Variants in VSIR observed in about 807,000 individuals in gnomAD.
The protein encoded by VSIR is V-type immunoglobulin domain-containing suppressor of T-cell activation.
In VSIR, 10 loss-of-function variants were observed where a neutral mutation model predicts 31.0. The observed-to-expected ratio is 0.32, with a 90% CI of 0.20 to 0.55. VSIR has a LOEUF of 0.55. Ranked by LOEUF, VSIR falls within the 20% of genes least tolerant of loss-of-function variation. VSIR has a pLI of 0.93. For missense variants in VSIR, 356 were observed against 416.2 expected (o/e 0.86, Z 1.26); for synonymous variants, 179 against 180.1 (o/e 0.99, Z 0.05).
At position 71,773,391 on chromosome 10, in the gene VSIR, G is replaced by T; in HGVS notation, c.49C>A (p.Leu17Met). ...LEAGSWRWGS[L>M]LFALFLAASL... ...GCAGCCAGGAAGAGAGCGAAGAGCAGGGATCCCCAGCGCCAGCTGCCGGCC... is the reference window on the plus strand; with the variant it reads ...GCAGCCAGGAAGAGAGCGAAGAGCATGGATCCCCAGCGCCAGCTGCCGGCC... Residue 17 changes from leucine to methionine, a missense_variant, in exon 1 of 7, where the codon CTG becomes ATG. Transcript: ENST00000394957. 1 of 1,610,264 alleles carries T rather than the reference G, an allele frequency of 6.2e-7. No homozygotes were observed.
chr10:71,756,614 G>C (rs1358810607), intron 3 of VSIR, among the ~76,000 whole-genome samples: 1 of 152,208 alleles, frequency 6.6e-6, no homozygotes, highest in Non-Finnish European at 1.5e-5. Context: ...TGTCCCAACA[G>C]CATGAGGAGG....
rs528021424 is a variant in VSIR, at chr10:71,750,655, G to C, written c.*598C>G. ...TGGAATGCAGGCAGTGGAAGCCCCAGATTGACTTAACCTGTTGACAGATCT... is the reference window on the plus strand; with the variant it reads ...TGGAATGCAGGCAGTGGAAGCCCCACATTGACTTAACCTGTTGACAGATCT... On this transcript the variant is annotated 3_prime_UTR_variant, in exon 7 of 7. Coordinates refer to ENST00000394957, the MANE Select transcript of VSIR (RefSeq NM_022153.2). 1 of 152,592 alleles carries C rather than the reference G, an allele frequency of 6.6e-6. No homozygotes were observed. The highest frequency in any genetic ancestry group is 2.0e-4 in the South Asian group (1 of 4,882). 9.5% of individuals were successfully genotyped at this position (152,592 alleles called of 1,614,324 possible).
Position 71,749,876 on chromosome 10 carries a change from C to T in VSIR, c.*1377G>A, listed in dbSNP as rs1427876900. 1 of 152,284 alleles carries T rather than the reference C, an allele frequency of 6.6e-6. No homozygotes were observed. The highest frequency in any genetic ancestry group is 2.4e-5 in the African/African-American group (1 of 41,394). 9.4% of individuals were successfully genotyped at this position (152,284 alleles called of 1,614,324 possible). ...AGCCCCAAATCCTGGCTTTCAGCAC[C>T]CAGGCCCAGCTCAGCAGAGCCAGTG... On this transcript the variant is annotated 3_prime_UTR_variant, in exon 7 of 7. Coordinates refer to ENST00000394957, the MANE Select transcript of VSIR (RefSeq NM_022153.2).
At chr10:71,752,639 G>A (rs561013277) in intron 5 of VSIR, among the ~76,000 whole-genome samples, 94 of 152,186 alleles carry the variant, frequency 6.2e-4, no homozygotes, top group Non-Finnish European at 3.1e-4. Context: ...CAGCTCAAGG[G>A]CTGTGGCTGG....
intron 1 of VSIR, among the ~76,000 whole-genome samples, chr10:71,771,220 C>A (rs10762476): frequency 0.13 from 20,062 of 152,160 alleles, 1,616 homozygotes; most frequent in East Asian, 0.28. Context: ...CTGCTGGGTC[C>A]TGGTCCCTAA....
chr10:71,754,942 T>C (rs1048878605), intron 4 of VSIR: 2 of 393,532 alleles, frequency 5.1e-6, no homozygotes, highest in African/African-American at 4.1e-5. Context: ...TAAGACCCCT[T>C]CCACTTCTGA....
intron 1 of VSIR, among the ~76,000 whole-genome samples, chr10:71,768,409 G>A (rs1398571098): frequency 1.3e-5 from 2 of 152,100 alleles, no homozygotes; most frequent in African/African-American, 4.8e-5. Context: ...GACCTCATGT[G>A]ATCCACCCGC....
At chr10:71,755,325 C>T (rs180679476) in intron 4 of VSIR, 34 bp downstream of exon 4, 69 of 1,575,198 alleles carry the variant, frequency 4.4e-5, no homozygotes, top group African/African-American at 3.6e-4. Context: ...TCACTCGCAC[C>T]GTCCACCCAC....
rs896651315 is a variant in VSIR at position 71,761,050 on chromosome 10, C to T, written c.512-126G>A. On this transcript the variant is annotated intron_variant, in intron 2 of 6. Transcript: ENST00000394957. ...CTAGTGCCTACTCGGCAGTGTTGGC[C>T]CAGTGGCAGCCTGCACACGTGTGCA... 4.9e-5 allele frequency: 44 copies of T among 894,058 alleles called. No homozygotes were observed. The Middle Eastern group carries it at 9.6e-4, about 20-fold the overall frequency. The allele number at this position is 894,058 out of a possible 1,614,324, so 55.4% of individuals were successfully genotyped here.
rs777848524 is a variant in VSIR at position 71,761,775 on chromosome 10, C to T, written c.334G>A (p.Asp112Asn). The T allele has an allele frequency of 4.3e-6, 7 of 1,614,012 alleles. No homozygotes were observed. The South Asian group carries it at 4.4e-5, about 10-fold the overall frequency. The change falls in exon 2 of 7, where the codon GAC (aspartate) becomes AAC (asparagine). Residue 112 changes from aspartate to asparagine, a missense_variant. Asp to Asn is a conservative substitution (Grantham distance 23). Transcript: ENST00000394957. ...TCCAGCCCGTGGCGCTGAGCCAGGT[C>T]GTGGCTGGTGTTGGCAGCCTGGTGG... ...GGHQAANTSHDLAQRHGLESA... is the reference protein window; with the variant it reads ...GGHQAANTSHNLAQRHGLESA...
Position 71,760,147 on chromosome 10 carries a change from G to GTATGTATATA in VSIR, c.568+720_568+721insTATATACATA, listed in dbSNP as rs1554868696. Among the ~76,000 whole-genome samples the GTATGTATATA allele has an allele frequency of 4.1e-3, 126 of 30,812 alleles. 44 individuals carry two copies. Among genetic ancestry groups the GTATGTATATA allele is most frequent in the African/African-American group, 9.8e-3 (93 of 9,476 alleles). 20.2% of individuals were successfully genotyped at this position (30,812 alleles called of 152,430 possible). ...TATATATATGTATATACATATATAT[G>GTATGTATATA]TGTGTATATATATGTATATACATAT... On this transcript the variant is annotated intron_variant, in intron 3 of 6. Coordinates refer to ENST00000394957, the MANE Select transcript of VSIR (RefSeq NM_022153.2).
chr10:71,761,190 A>G (rs544899889), intron 2 of VSIR, among the ~76,000 whole-genome samples: 1 of 152,178 alleles, frequency 6.6e-6, no homozygotes, highest in African/African-American at 2.4e-5. Flanking sequence ...TTGCACTCTC[A>G]CCTGAACAGA....
chr10:71,758,364 G>A (rs751201278), intron 3 of VSIR, among the ~76,000 whole-genome samples: 3 of 152,188 alleles, frequency 2.0e-5, no homozygotes, highest in Non-Finnish European at 4.4e-5. Flanking sequence ...CCCACTGGAT[G>A]TCTGACACAT....
Position 71,751,613 on chromosome 10 carries a change from C to A in VSIR, c.898+55G>T, listed in dbSNP as rs191188213. On this transcript the variant is annotated intron_variant, in intron 6 of 6. Coordinates refer to ENST00000394957, the MANE Select transcript of VSIR (RefSeq NM_022153.2). The surrounding 1 kb of genome is among the most constrained non-coding windows in gnomAD (Gnocchi z 4.9). ...GGGAGTGAGGCCGATGCCCTGCAGG[C>A]CATGAGGTCATGACCTTACAGGTCA... 3.2e-5 allele frequency: 47 copies of A among 1,484,602 alleles called. No individual in the cohort carries two copies. In the African/African-American group the frequency reaches 5.9e-4, roughly 19 times the overall value. 92.0% of individuals were successfully genotyped at this position (1,484,602 alleles called of 1,614,324 possible).
chr10:71,755,923 C>T (rs1840131193), intron 3 of VSIR, among the ~76,000 whole-genome samples: 2 of 152,128 alleles, frequency 1.3e-5, no homozygotes, highest in African/African-American at 4.8e-5. Context: ...GTAATTAATG[C>T]CACCAAACTG....
At chr10:71,763,743 G>GTA (rs1246057678) in intron 1 of VSIR, among the ~76,000 whole-genome samples, 6 of 152,348 alleles carry the variant, frequency 3.9e-5, no homozygotes, top group African/African-American at 1.4e-4. Flanking sequence ...TGCCATGCGA[G>GTA]TAGTCGGCGC....
chr10:71,759,056 T>TGGGGTG (rs1840222239), intron 3 of VSIR, among the ~76,000 whole-genome samples: 1 of 151,084 alleles, frequency 6.6e-6, no homozygotes, highest in African/African-American at 2.4e-5. Flanking sequence ...GTTTTTTTTT[T>TGGGGTG]GAGATGGAGT....
At position 71,747,888 on chromosome 10, in the gene VSIR, T is replaced by C. The variant is rs1055518; in HGVS notation, c.*3365A>G. 0.5 allele frequency: 75,937 copies of C among 152,236 alleles called. 20,264 individuals carry two copies. Among genetic ancestry groups the C allele is most frequent in the East Asian group, 0.77 (4,002 of 5,180 alleles). The allele number at this position is 152,236 out of a possible 1,614,324, so 9.4% of individuals were successfully genotyped here. A position where few individuals can be genotyped will look rare whatever the true frequency, so the allele number is the denominator to read the frequency against. The stretch of plus-strand genomic sequence containing the variant: ...GATAGTTAGGGTGACATAGCCTCCA[T>C]GGGGTGAAGAGAAGCAGCAATGCAA... On this transcript the variant is annotated 3_prime_UTR_variant, in exon 7 of 7. Transcript: ENST00000394957.
At chr10:71,758,819 G>A (rs1326800252) in intron 3 of VSIR, among the ~76,000 whole-genome samples, 1 of 152,188 alleles carries the variant, frequency 6.6e-6, no homozygotes, top group Non-Finnish European at 1.5e-5. Context: ...TTGAGCCCAG[G>A]AGTTCAAGAC....
Sources: gnomAD v4.1 joint callset for allele counts (sites outside exome capture counted in the v4.1 genomes callset) on GRCh38, gnomAD v4.1.1 for gene constraint, Gnocchi (gnomAD v3.1) non-coding constraint, MANE v1.5 for transcripts, NCBI Gene and HGNC (gene_info 2026-07-23, HGNC 2026-07-21) for gene names.